The following OLFML2A variants were observed in gnomAD, a reference collection of about 807,000 sequenced individuals.
OLFML2A encodes olfactomedin-like protein 2A.
In OLFML2A, 47 loss-of-function variants were observed where a neutral mutation model predicts 60.9. The ratio of observed to expected loss-of-function variants is 0.77; its 90% CI spans 0.61 to 0.98. OLFML2A has a LOEUF of 0.98. Ranked by LOEUF, OLFML2A falls within the 50% of genes least tolerant of loss-of-function variation. The probability of loss-of-function intolerance (pLI) is 0.00; values close to 1 mark genes in which losing one functional copy is unlikely to be tolerated. For synonymous variants in OLFML2A, 372 were observed against 375.0 expected, an observed-to-expected ratio of 0.99 and a Z score of 0.09; for missense variants, 922 against 879.8, an observed-to-expected ratio of 1.05 and a Z score of -0.61.
At chr9:124,805,457 G>A (rs866705402) in intron 6 of OLFML2A, among the ~76,000 whole-genome samples, 3 of 152,152 alleles carry the variant, frequency 2.0e-5, no homozygotes, top group Middle Eastern at 3.2e-3. Flanking sequence ...ATCATTAAAA[G>A]CCTATTTAAT....
intron 7 of OLFML2A, among the ~76,000 whole-genome samples, chr9:124,809,599 C>G (rs1393319673): frequency 6.6e-6 from 1 of 151,848 alleles, no homozygotes; most frequent in Non-Finnish European, 1.5e-5. Flanking sequence ...ATCCTCTGAG[C>G]CTTTTTTTTT....
chr9:124,799,026 C>A (rs1841718948), intron 3 of OLFML2A, among the ~76,000 whole-genome samples: 1 of 152,076 alleles, frequency 6.6e-6, no homozygotes, highest in African/African-American at 2.4e-5. Flanking sequence ...CTTTTTATAG[C>A]CGTTGATATC....
At position 124,810,216 on chromosome 9, in the gene OLFML2A, TG is replaced by T; in HGVS notation, c.1765del (p.Asp589ThrfsTer106). 1 of 1,613,624 alleles carries T rather than the reference TG, an allele frequency of 6.2e-7. No individual in the cohort carries two copies. Among genetic ancestry groups the T allele is most frequent in the Non-Finnish European group, 8.5e-7 (1 of 1,179,984 alleles). On this transcript the variant is annotated frameshift_variant, in exon 8 of 8. Transcript: ENST00000373580. LOFTEE classifies it high-confidence loss of function. ...CFLVCGILYA[V>X]DTYNQQEGQV... is the part of the protein sequence containing the mutation. ...CTGGTGTGCGGCATCCTGTATGCCGTGGACACGTACAACCAGCAGGAAGGCC... is the reference window on the plus strand; with the variant it reads ...CTGGTGTGCGGCATCCTGTATGCCGTGACACGTACAACCAGCAGGAAGGCC...
In OLFML2A at chr9:124,809,920, C is replaced by T. The variant is rs767813638; in HGVS notation, c.1467C>T (p.Tyr489=). Residue 489 remains tyrosine, a synonymous_variant, in exon 8 of 8, where the codon TAC becomes TAT. Transcript: ENST00000373580. The part of the protein sequence containing the change: ...NRAFTKNIIK[Y]DLRQRFVASW... ...CCTTCACCAAGAACATCATCAAGTA[C>T]GACCTACGGCAGCGCTTCGTGGCCT... 1.5e-5 allele frequency: 24 copies of T among 1,614,190 alleles called. No individual in the cohort carries two copies. The highest frequency in any genetic ancestry group is 1.9e-5 in the Non-Finnish European group (23 of 1,180,026).
chr9:124,804,779 G>A (rs945152711), intron 6 of OLFML2A, among the ~76,000 whole-genome samples: 1 of 151,664 alleles, frequency 6.6e-6, no homozygotes, highest in African/African-American at 2.4e-5. Flanking sequence ...TGAGATCTTG[G>A]CTCATTGCAA....
chr9:124,778,833 G>T (rs1039881211), intron 1 of OLFML2A: 3 of 254,160 alleles, frequency 1.2e-5, no homozygotes, highest in Non-Finnish European at 1.9e-5. Context: ...AAAACGGACA[G>T]ACCTTGGGGA....
chr9:124,777,402 G>A lies in OLFML2A; in HGVS notation c.90+42G>A. 3 of 1,224,420 alleles carry A rather than the reference G, an allele frequency of 2.5e-6. No individual in the cohort carries two copies. The highest frequency in any genetic ancestry group is 3.1e-6 in the Non-Finnish European group (3 of 982,202). 75.8% of individuals were successfully genotyped at this position (1,224,420 alleles called of 1,614,324 possible). ...GACCCGCGCGGCTCGGCGGGTAGCG[G>A]GGCGCGAGGGGGCGCTGTGGCTGGG... On this transcript the variant is annotated intron_variant, in intron 1 of 7. Transcript: ENST00000373580. The surrounding 1 kb of genome is among the most constrained non-coding windows in gnomAD (Gnocchi z 6.2).
At chr9:124,809,423 G>A (rs2131282832) in intron 7 of OLFML2A, among the ~76,000 whole-genome samples, 1 of 152,116 alleles carries the variant, frequency 6.6e-6, no homozygotes, top group East Asian at 1.9e-4. Flanking sequence ...AGGTGACATT[G>A]GCCTGGGGCT....
chr9:124,806,209 G>GA (rs1480438324), intron 6 of OLFML2A, among the ~76,000 whole-genome samples: 1 of 151,800 alleles, frequency 6.6e-6, no homozygotes, highest in African/African-American at 2.4e-5. Flanking sequence ...AACCAAAAAA[G>GA]AAAAAAATTT....
At chr9:124,798,517 C>CA (rs201374840) in intron 3 of OLFML2A, among the ~76,000 whole-genome samples, 48 of 141,682 alleles carry the variant, frequency 3.4e-4, no homozygotes, top group Non-Finnish European at 5.2e-4. Flanking sequence ...GACTCTGTCT[C>CA]AAAAAAAAAA....
chr9:124,804,162 G>C lies in OLFML2A; in HGVS notation c.988G>C (p.Ala330Pro), dbSNP rs151286261. Reference protein sequence around the residue: ...PPKVEGRSNSAEPNSAEQDEA... With the variant: ...PPKVEGRSNSPEPNSAEQDEA... ...CAAGGTGGAGGGCAGGTCCAACTCC[G>C]CAGAGCCCAACTCCGCAGAGCAGGA... The change falls in exon 6 of 8, where the codon GCA becomes CCA. Residue 330 changes from alanine to proline, a missense_variant. Ala to Pro is a conservative substitution (Grantham distance 27). Coordinates refer to ENST00000373580, the MANE Select transcript of OLFML2A (RefSeq NM_182487.4). 54 of 1,613,766 alleles carry C rather than the reference G, an allele frequency of 3.3e-5. No homozygotes were observed. The highest frequency in any genetic ancestry group is 2.5e-5 in the Non-Finnish European group (29 of 1,179,716).
chr9:124,806,532 C>T (rs1313329762), intron 6 of OLFML2A, among the ~76,000 whole-genome samples: 5 of 151,824 alleles, frequency 3.3e-5, no homozygotes, highest in African/African-American at 1.2e-4. Context: ...ATCCCCCCAT[C>T]CACTAGTAAC....
chr9:124,793,887 C>A (rs1841613468), intron 2 of OLFML2A, among the ~76,000 whole-genome samples: 2 of 152,210 alleles, frequency 1.3e-5, no homozygotes, highest in South Asian at 4.2e-4. Context: ...AAACATAAAA[C>A]ACTTAACTAG....
chr9:124,810,594 G>T lies in OLFML2A; in HGVS notation c.*182G>T. 1 of 620,518 alleles carries T rather than the reference G, an allele frequency of 1.6e-6. No homozygotes were observed. Among genetic ancestry groups the T allele is most frequent in the Non-Finnish European group, 2.8e-6 (1 of 356,570 alleles). The allele number at this position is 620,518 out of a possible 1,614,324, so 38.4% of individuals were successfully genotyped here. On this transcript the variant is annotated 3_prime_UTR_variant, in exon 8 of 8. Coordinates refer to ENST00000373580, the MANE Select transcript of OLFML2A (RefSeq NM_182487.4). ...CAGTGGGTAATACTTGCTTCCACTT[G>T]CAGAGCACCGTGCCAAGCACTTCCC...
chr9:124,781,924 C>T (rs1841367275), intron 1 of OLFML2A, among the ~76,000 whole-genome samples: 1 of 152,240 alleles, frequency 6.6e-6, no homozygotes, highest in African/African-American at 2.4e-5. Context: ...ACCTTCATCT[C>T]ACTGTGGAAT....
intron 1 of OLFML2A, among the ~76,000 whole-genome samples, chr9:124,780,762 C>A (rs1019489417): frequency 6.6e-6 from 1 of 152,220 alleles, no homozygotes; most frequent in Non-Finnish European, 1.5e-5. Context: ...ATGTCCCCAG[C>A]ACTTACATGC....
chr9:124,801,578 C>T lies in OLFML2A; in HGVS notation c.834C>T (p.Pro278=). The change falls in exon 5 of 8, where the codon CCC becomes CCT. Residue 278 remains proline, a synonymous_variant. Coordinates refer to ENST00000373580, the MANE Select transcript of OLFML2A (RefSeq NM_182487.4). ...KGSFLQPTAK[P]RALAQQQAVI... ...GTTTCCTCCAGCCCACAGCCAAGCC[C>T]CGCGCCCTGGCCCAGCAGCAGGCTG... 6.2e-7 allele frequency: 1 copy of T among 1,614,012 alleles called. No individual in the cohort carries two copies. The highest frequency in any genetic ancestry group is 1.7e-5 in the Admixed American group (1 of 60,012).
rs1260865331 is a variant in OLFML2A at position 124,777,910 on chromosome 9, G to T, written c.90+550G>T. ...TGCTGTGGCTAAGAGGATCTGCTCT[G>T]GTGTCAAGCCGACCTGGGTTCAGTC... On this transcript the variant is annotated intron_variant, in intron 1 of 7. Coordinates refer to ENST00000373580, the MANE Select transcript of OLFML2A (RefSeq NM_182487.4). The surrounding 1 kb of genome is among the most constrained non-coding windows in gnomAD (Gnocchi z 6.2). Among the ~76,000 whole-genome samples the T allele has an allele frequency of 1.3e-5, 2 of 152,158 alleles. No homozygotes were observed. Among genetic ancestry groups the T allele is most frequent in the African/African-American group, 4.8e-5 (2 of 41,434 alleles).
chr9:124,810,088 C>CGAT lies in OLFML2A; in HGVS notation c.1637_1638insTGA (p.Pro545_Glu546insAsp). On this transcript the variant is annotated inframe_insertion, in exon 8 of 8. Coordinates refer to ENST00000373580, the MANE Select transcript of OLFML2A (RefSeq NM_182487.4). ...TGGACGACCGCGATGAGGCCCAGCC[C>CGAT]GAGGTGATCGTCCTGAGTCGCTTGG... 1 of 1,613,832 alleles carries CGAT rather than the reference C, an allele frequency of 6.2e-7. No homozygotes were observed. Among genetic ancestry groups the CGAT allele is most frequent in the South Asian group, 1.1e-5 (1 of 91,076 alleles).
Sources: gnomAD v4.1 joint callset for allele counts (sites outside exome capture counted in the v4.1 genomes callset) on GRCh38, gnomAD v4.1.1 for gene constraint, Gnocchi (gnomAD v3.1) non-coding constraint, MANE v1.5 for transcripts, NCBI Gene and HGNC (gene_info 2026-07-23, HGNC 2026-07-21) for gene names.